The following PRKG2 variants were observed in gnomAD, a reference collection of about 807,000 sequenced individuals.
PRKG2 encodes cGMP-dependent protein kinase 2.
In PRKG2, 33 loss-of-function variants were observed where a neutral mutation model predicts 97.2. That is an observed-to-expected ratio of 0.34 (90% CI 0.26 to 0.45). The LOEUF (loss-of-function observed/expected upper bound fraction) is 0.45. Among genes scored for constraint, PRKG2 ranks in the 20% least tolerant of loss-of-function variants. The pLI, the probability that PRKG2 is intolerant of heterozygous loss-of-function variation, is 1.00. For missense variants in PRKG2, 638 were observed against 900.0 expected, an observed-to-expected ratio of 0.71 and a Z score of 3.73; for synonymous variants, 330 against 321.8, an observed-to-expected ratio of 1.03 and a Z score of -0.27.
intron 2 of PRKG2, among the ~76,000 whole-genome samples, chr4:81,195,094 T>G (rs971734686): frequency 1.3e-5 from 2 of 152,008 alleles, no homozygotes; most frequent in African/African-American, 4.8e-5. Flanking sequence ...TGGAAGAGAG[T>G]TGAAGTTGTC....
chr4:81,142,752 T>C, intron 11 of PRKG2, 42 bp downstream of exon 11: 1 of 1,487,498 alleles, frequency 6.7e-7, no homozygotes, highest in South Asian at 1.5e-5. Context: ...AAAAAAAAAG[T>C]CAAAAGGCTT....
chr4:81,100,763 A>G (rs1357423862), intron 17 of PRKG2, among the ~76,000 whole-genome samples: 2 of 152,174 alleles, frequency 1.3e-5, no homozygotes, highest in Non-Finnish European at 2.9e-5. Context: ...AGAAACTACC[A>G]TCAGAGTGAA....
intron 2 of PRKG2, among the ~76,000 whole-genome samples, chr4:81,201,275 A>G (rs1173088949): frequency 6.6e-6 from 1 of 152,224 alleles, no homozygotes; most frequent in Non-Finnish European, 1.5e-5. Flanking sequence ...TCTTAGTGGC[A>G]CTAGCTGCAT....
At chr4:81,111,124 C>A (rs1743886996) in intron 14 of PRKG2, among the ~76,000 whole-genome samples, 1 of 152,054 alleles carries the variant, frequency 6.6e-6, no homozygotes, top group African/African-American at 2.4e-5. Flanking sequence ...GCTTAATACT[C>A]TGGACAGTCT....
intron 17 of PRKG2, among the ~76,000 whole-genome samples, chr4:81,097,526 G>GTTC (rs1170348601): frequency 6.6e-6 from 1 of 152,154 alleles, no homozygotes; most frequent in African/African-American, 2.4e-5. Flanking sequence ...GAGTTAATCT[G>GTTC]TTCTTCGGAG....
chr4:81,097,597 T>G (rs1742259113), intron 17 of PRKG2, among the ~76,000 whole-genome samples: 1 of 152,200 alleles, frequency 6.6e-6, no homozygotes, highest in South Asian at 2.1e-4. Flanking sequence ...AGTATCTTCT[T>G]TCAATGTAAG....
intron 2 of PRKG2, among the ~76,000 whole-genome samples, chr4:81,183,856 A>G (rs1356521365): frequency 2.0e-5 from 3 of 152,174 alleles, no homozygotes; most frequent in Non-Finnish European, 4.4e-5. Flanking sequence ...TTTTCCCCTC[A>G]TAGTGAAAAC....
chr4:81,205,624 C>G (rs1753605481), intron 1 of PRKG2, among the ~76,000 whole-genome samples: 1 of 152,170 alleles, frequency 6.6e-6, no homozygotes, highest in Middle Eastern at 3.2e-3. Context: ...TTTTGCATTT[C>G]TGATAACACT....
chr4:81,186,507 A>T (rs1302958592), intron 2 of PRKG2, among the ~76,000 whole-genome samples: 1 of 152,236 alleles, frequency 6.6e-6, no homozygotes, highest in African/African-American at 2.4e-5. Context: ...CTCAATGCCC[A>T]CAGGAGAAAG....
At chr4:81,105,204 T>C (rs1226229879) in intron 16 of PRKG2, among the ~76,000 whole-genome samples, 1 of 152,216 alleles carries the variant, frequency 6.6e-6, no homozygotes, top group Non-Finnish European at 1.5e-5. Flanking sequence ...TAATACATTT[T>C]TGTTAAGTAT....
chr4:81,101,458 T>C (rs1742760288), intron 17 of PRKG2, among the ~76,000 whole-genome samples: 1 of 150,710 alleles, frequency 6.6e-6, no homozygotes, highest in Non-Finnish European at 1.5e-5. Context: ...CAGCAAACTA[T>C]TGCAAGGACA....
chr4:81,204,448 A>C, intron 2 of PRKG2, 139 bp downstream of exon 2: 3 of 977,696 alleles, frequency 3.1e-6, no homozygotes, highest in Non-Finnish European at 1.5e-6. Flanking sequence ...TGCAAAACAA[A>C]ATCATTTCAA....
chr4:81,155,189 A>AAAAAAAAG, intron 6 of PRKG2, among the ~76,000 whole-genome samples: 1 of 148,346 alleles, frequency 6.7e-6, no homozygotes, highest in African/African-American at 2.6e-5. Flanking sequence ...AAAAAAAAAA[A>AAAAAAAAG]AAGAAGAATG....
At chr4:81,196,888 A>C (rs1752991210) in intron 2 of PRKG2, among the ~76,000 whole-genome samples, 1 of 152,196 alleles carries the variant, frequency 6.6e-6, no homozygotes, top group African/African-American at 2.4e-5. Context: ...ACTTTAATGA[A>C]AAGAAACACT....
intron 6 of PRKG2, among the ~76,000 whole-genome samples, chr4:81,156,576 T>G (rs6848802): frequency 0.14 from 21,542 of 152,006 alleles, 2,427 homozygotes; most frequent in East Asian, 0.46. Context: ...TGCACCAAGC[T>G]GACCTAATAG....
At chr4:81,175,110 A>G (rs1309253153) in intron 2 of PRKG2, 151 bp from the exon 3 acceptor site, 3 of 655,818 alleles carry the variant, frequency 4.6e-6, no homozygotes, top group East Asian at 3.0e-5. Flanking sequence ...CAAACATTTC[A>G]CCCTTATAAC....
At chr4:81,113,014 G>C (rs1284658356) in intron 14 of PRKG2, among the ~76,000 whole-genome samples, 1 of 152,148 alleles carries the variant, frequency 6.6e-6, no homozygotes, top group African/African-American at 2.4e-5. Flanking sequence ...AGGTAAGTAA[G>C]AGAGCTCTGT....
chr4:81,148,858 G>A (rs1347641104), intron 9 of PRKG2, 26 bp downstream of exon 9: 3 of 1,606,540 alleles, frequency 1.9e-6, no homozygotes, highest in Non-Finnish European at 2.6e-6. Flanking sequence ...GCAGTGGCCT[G>A]CCTCCTCCAA....
chr4:81,144,344 A>C lies in PRKG2; in HGVS notation c.1155-14T>G. 1 of 1,578,086 alleles carries C rather than the reference A, an allele frequency of 6.3e-7. No homozygotes were observed. The highest frequency in any genetic ancestry group is 8.7e-7 in the Non-Finnish European group (1 of 1,147,666). ...TGGTTGAATGTTCTAAATAGATAGA[A>C]TAAAGTAAAATGCTCCGTGCTGATA... On this transcript the variant is annotated splice_polypyrimidine_tract_variant and intron_variant, in intron 9 of 18. Coordinates refer to ENST00000264399, the MANE Select transcript of PRKG2 (RefSeq NM_006259.3).
Sources: allele counts gnomAD v4.1 joint callset (sites outside exome capture counted in the v4.1 genomes callset), GRCh38; gene constraint gnomAD v4.1.1; transcripts MANE v1.5; gene names NCBI Gene and HGNC (gene_info 2026-07-23, HGNC 2026-07-21).